DOK6: variants seen among roughly 807,000 people sequenced by gnomAD.
DOK6 encodes the protein docking protein 6.
In DOK6, 22 loss-of-function variants were observed where a neutral mutation model predicts 44.0. The observed-to-expected ratio is 0.50, with a 90% confidence interval of 0.36 to 0.71. The LOEUF (loss-of-function observed/expected upper bound fraction) is 0.71, where lower values mean the gene tolerates loss of function less well. Ranked by LOEUF, DOK6 falls within the 30% of genes least tolerant of loss-of-function variation. The pLI, the probability that DOK6 is intolerant of heterozygous loss-of-function variation, is 0.00. For synonymous variants in DOK6, 166 were observed against 145.5 expected, an observed-to-expected ratio of 1.14 and a Z score of -1.01; for missense variants, 340 against 416.4, an observed-to-expected ratio of 0.82 and a Z score of 1.60.
chr18:69,595,638 A>G (rs1983722984), intron 2 of DOK6, among the ~76,000 whole-genome samples: 1 of 152,122 alleles, frequency 6.6e-6, no homozygotes, highest in Non-Finnish European at 1.5e-5. Flanking sequence ...AGCAGAATTC[A>G]TGTTTCTCTG....
At chr18:69,727,616 G>T (rs1302838076) in intron 5 of DOK6, among the ~76,000 whole-genome samples, 1 of 152,180 alleles carries the variant, frequency 6.6e-6, no homozygotes, top group African/African-American at 2.4e-5. Flanking sequence ...GATCTGGCCT[G>T]ATGACTATAT....
At chr18:69,750,065 TATATA>T (rs1979125366) in intron 6 of DOK6, among the ~76,000 whole-genome samples, 1 of 147,676 alleles carries the variant, frequency 6.8e-6, no homozygotes, top group Non-Finnish European at 1.5e-5. Context: ...ATATTATATA[TATATA>T]ATATATATAA....
intron 3 of DOK6, among the ~76,000 whole-genome samples, chr18:69,615,842 A>G (rs12455812): frequency 0.61 from 92,050 of 151,802 alleles, 27,980 homozygotes; most frequent in South Asian, 0.67. Context: ...AGAGAAATTG[A>G]TGTGTTCAGT....
At chr18:69,805,780 C>T (rs544672750) in intron 7 of DOK6, among the ~76,000 whole-genome samples, 1 of 152,202 alleles carries the variant, frequency 6.6e-6, no homozygotes, top group South Asian at 2.1e-4. Flanking sequence ...TCTTGAAATA[C>T]TGGCTGAAAG....
In DOK6 at chr18:69,712,669, A is replaced by AC. The variant is rs372183039; in HGVS notation, c.599+14082dup. On this transcript the variant is annotated intron_variant, in intron 5 of 7. Transcript: ENST00000382713. Reference sequence around the variant, plus strand: ...AGACCAGCCTGGCCAACATGGCGAAACCCCCCATCTCTACTAAAAATACAT... The same window carrying AC: ...AGACCAGCCTGGCCAACATGGCGAAACCCCCCCATCTCTACTAAAAATACAT... Among the ~76,000 whole-genome samples, 5 of 151,942 alleles carry AC rather than the reference A, an allele frequency of 3.3e-5. No individual in the cohort carries two copies. The East Asian group carries it at 9.7e-4, about 29-fold the overall frequency.
rs1397640284 is a variant in DOK6, at chr18:69,401,325, C to T, written c.66+15C>T. On this transcript the variant is annotated intron_variant, in intron 1 of 7. Coordinates refer to ENST00000382713, the MANE Select transcript of DOK6 (RefSeq NM_152721.6). The stretch of plus-strand genomic sequence containing the variant: ...GGAAGCTTGGGGTGAGTGGCTCGCT[C>T]GGCTTGCTCCTTCCCCGGCGCTCGT... 1.3e-6 allele frequency: 2 copies of T among 1,509,658 alleles called. No homozygotes were observed. The highest frequency in any genetic ancestry group is 2.7e-5 in the East Asian group (1 of 36,526). The allele number at this position is 1,509,658 out of a possible 1,614,324, so 93.5% of individuals were successfully genotyped here.
Position 69,841,370 on chromosome 18 carries a change from G to A in DOK6, c.983G>A (p.Ser328Asn), listed in dbSNP as rs759490627. The A allele has an allele frequency of 6.2e-7, 1 of 1,614,162 alleles. No individual in the cohort carries two copies. Among genetic ancestry groups the A allele is most frequent in the Non-Finnish European group, 8.5e-7 (1 of 1,180,028 alleles). Residue 328 changes from serine (S) to asparagine (N), a missense_variant, in exon 8 of 8, where the codon AGC becomes AAC. Physicochemically the swap from Ser to Asn is conservative, Grantham distance 46. Coordinates refer to ENST00000382713, the MANE Select transcript of DOK6 (RefSeq NM_152721.6). ...AGCTATGGATTCAGCTACAGCTCCA[G>A]CCTCATCCAATGACACACAGAGAGC... ...SSSYGFSYSSSLIQ is the reference protein window; with the variant it reads ...SSSYGFSYSSNLIQ
intron 5 of DOK6, among the ~76,000 whole-genome samples, chr18:69,699,583 G>A (rs1325701816): frequency 6.6e-6 from 1 of 152,070 alleles, no homozygotes; most frequent in East Asian, 1.9e-4. Context: ...AAAAGCATTA[G>A]ATCCTGTGTT....
In DOK6 at chr18:69,653,107, A is replaced by C. The variant is rs371338511; in HGVS notation, c.290-24627A>C. Among the ~76,000 whole-genome samples the C allele has an allele frequency of 3.3e-4, 51 of 152,278 alleles. No individual in the cohort carries two copies. The South Asian group carries it at 8.3e-3, about 25-fold the overall frequency. On this transcript the variant is annotated intron_variant, in intron 3 of 7. Coordinates refer to ENST00000382713, the MANE Select transcript of DOK6 (RefSeq NM_152721.6). Reference sequence around the variant, plus strand: ...ATCTATTTGAAAGTATCTAAGAAACATCAAAGCAACTGGATTTAGAGAAGC... The same window carrying C: ...ATCTATTTGAAAGTATCTAAGAAACCTCAAAGCAACTGGATTTAGAGAAGC...
intron 7 of DOK6, among the ~76,000 whole-genome samples, chr18:69,783,226 G>A (rs550542524): frequency 1.1e-4 from 17 of 152,292 alleles, no homozygotes; most frequent in African/African-American, 4.1e-4. Context: ...CACTAGCACT[G>A]TGCATCCAGT....
intron 1 of DOK6, among the ~76,000 whole-genome samples, chr18:69,428,078 TG>T (rs1978694497): frequency 6.6e-6 from 1 of 152,144 alleles, no homozygotes; most frequent in Non-Finnish European, 1.5e-5. Context: ...CGGCCTGGCC[TG>T]GAGTACCCTA....
At chr18:69,684,428 G>A (rs1345873106) in intron 4 of DOK6, among the ~76,000 whole-genome samples, 1 of 152,154 alleles carries the variant, frequency 6.6e-6, no homozygotes, top group African/African-American at 2.4e-5. Context: ...GACCGATCCT[G>A]GTTCTTTTGC....
intron 3 of DOK6, among the ~76,000 whole-genome samples, chr18:69,603,665 A>G (rs1185407510): frequency 6.7e-6 from 1 of 149,142 alleles, no homozygotes; most frequent in Middle Eastern, 3.5e-3. Context: ...CACATACGTG[A>G]GAGGATGAGG....
intron 7 of DOK6, among the ~76,000 whole-genome samples, chr18:69,839,339 T>G (rs1052242896): frequency 8.6e-6 from 1 of 116,632 alleles, no homozygotes; most frequent in African/African-American, 3.4e-5. Flanking sequence ...CCATAACTCC[T>G]CCCCTAGCCC....
intron 1 of DOK6, among the ~76,000 whole-genome samples, chr18:69,448,371 A>T (rs772832813): frequency 2.6e-5 from 4 of 151,526 alleles, no homozygotes; most frequent in Non-Finnish European, 5.9e-5. Flanking sequence ...TTTTATTTTT[A>T]TTTTTACTTT....
At chr18:69,818,883 C>G (rs1473029306) in intron 7 of DOK6, among the ~76,000 whole-genome samples, 2 of 152,188 alleles carry the variant, frequency 1.3e-5, no homozygotes, top group African/African-American at 4.8e-5. Flanking sequence ...AATAGTCACA[C>G]AAGCCTCCCA....
intron 3 of DOK6, among the ~76,000 whole-genome samples, chr18:69,612,442 G>T (rs1171264327): frequency 1.3e-5 from 2 of 149,242 alleles, no homozygotes; most frequent in African/African-American, 2.5e-5. Context: ...TGTGTGCGAG[G>T]GCGCATGTGT....
At chr18:69,410,202 C>T (rs922312128) in intron 1 of DOK6, among the ~76,000 whole-genome samples, 47 of 152,366 alleles carry the variant, frequency 3.1e-4, no homozygotes, top group African/African-American at 1.1e-3. Flanking sequence ...GAATAATTAT[C>T]TATATTACCT....
At chr18:69,753,840 G>A (rs908905075) in intron 6 of DOK6, among the ~76,000 whole-genome samples, 7 of 151,070 alleles carry the variant, frequency 4.6e-5, no homozygotes, top group South Asian at 2.1e-4. Flanking sequence ...TTTTTACTAA[G>A]TCCACTGAAA....
Sources: gnomAD v4.1 joint callset for allele counts (sites outside exome capture counted in the v4.1 genomes callset) on GRCh38, gnomAD v4.1.1 for gene constraint, MANE v1.5 for transcripts, NCBI Gene and HGNC (gene_info 2026-07-23, HGNC 2026-07-21) for gene names.